The following VSTM4 variants were observed in gnomAD, a reference collection of about 807,000 sequenced individuals.
VSTM4 encodes the protein V-set and transmembrane domain containing 4, also known as V-set and transmembrane domain-containing protein 4.
A neutral mutation model predicts 36.4 loss-of-function variants in VSTM4; 20 were observed. That is an observed-to-expected ratio of 0.55 (90% CI 0.39 to 0.80). VSTM4 has a LOEUF of 0.80. VSTM4 is among the 30% of genes least tolerant of loss of function. The probability of loss-of-function intolerance (pLI) is 0.00; values close to 1 mark genes in which losing one functional copy is unlikely to be tolerated. For synonymous variants in VSTM4, 182 were observed against 173.9 expected, an observed-to-expected ratio of 1.05 and a Z score of -0.37; for missense variants, 392 against 404.5, an observed-to-expected ratio of 0.97 and a Z score of 0.26.
rs569058995 is a variant in VSTM4 at position 49,103,400 on chromosome 10, G to C, written c.457+4194C>G. The C allele has an allele frequency of 5.0e-5, 24 of 479,050 alleles. No homozygotes were observed. The South Asian group carries it at 1.9e-3, about 39-fold the overall frequency. 29.7% of individuals were successfully genotyped at this position (479,050 alleles called of 1,614,324 possible). A position where few individuals can be genotyped will look rare whatever the true frequency, so the allele number is the denominator to read the frequency against. On this transcript the variant is annotated intron_variant, in intron 2 of 7. Transcript: ENST00000332853. ...TTTAATTTGCATAAAATGACAGGAAGGATTTGCACTGAAATGTTAAGTTGA... is the reference window on the plus strand; with the variant it reads ...TTTAATTTGCATAAAATGACAGGAACGATTTGCACTGAAATGTTAAGTTGA...
chr10:49,096,214 T>G (rs1844567487), intron 2 of VSTM4, among the ~76,000 whole-genome samples: 1 of 152,240 alleles, frequency 6.6e-6, no homozygotes, highest in Non-Finnish European at 1.5e-5. Flanking sequence ...ACTTGCAGTA[T>G]CAGTTCCCTG....
intron 4 of VSTM4, among the ~76,000 whole-genome samples, chr10:49,068,049 T>C (rs1844004999): frequency 1.3e-5 from 2 of 152,326 alleles, no homozygotes; most frequent in African/African-American, 4.8e-5. Flanking sequence ...ATTTGTATTA[T>C]TGTATTGTTA....
intron 5 of VSTM4, among the ~76,000 whole-genome samples, chr10:49,056,545 T>C (rs1175000240): frequency 2.0e-5 from 3 of 152,196 alleles, no homozygotes; most frequent in Non-Finnish European, 2.9e-5. Flanking sequence ...ACAAAGGCCA[T>C]GGATGGATGC....
chr10:49,072,825 G>A (rs536677915), intron 4 of VSTM4, among the ~76,000 whole-genome samples: 1 of 152,334 alleles, frequency 6.6e-6, no homozygotes, highest in African/African-American at 2.4e-5. Flanking sequence ...TCAACTTCAG[G>A]TGGCTGAAGA....
chr10:49,065,834 G>A (rs1257483788), intron 4 of VSTM4, among the ~76,000 whole-genome samples: 1 of 152,112 alleles, frequency 6.6e-6, no homozygotes, highest in Non-Finnish European at 1.5e-5. Context: ...AAAGTAAGAT[G>A]AGAGAATCTC....
intron 2 of VSTM4, among the ~76,000 whole-genome samples, chr10:49,104,982 C>T (rs948484212): frequency 6.5e-5 from 8 of 123,920 alleles, no homozygotes; most frequent in African/African-American, 2.5e-4. Context: ...CAGAGGGAGA[C>T]AGAGACACAG....
intron 7 of VSTM4, among the ~76,000 whole-genome samples, chr10:49,031,405 A>G (rs946257210): frequency 1.3e-5 from 2 of 152,236 alleles, no homozygotes; most frequent in East Asian, 3.8e-4. Flanking sequence ...TTGAAAAAAT[A>G]CCTGGTAGGC....
At chr10:49,064,805 C>T in intron 4 of VSTM4, 69 bp from the exon 5 acceptor site, 1 of 1,536,678 alleles carries the variant, frequency 6.5e-7, no homozygotes, top group Non-Finnish European at 8.9e-7. Flanking sequence ...CCAGGAATTA[C>T]AAGGAAATGC....
chr10:49,096,434 A>G (rs1227204052), intron 2 of VSTM4, among the ~76,000 whole-genome samples: 1 of 152,192 alleles, frequency 6.6e-6, no homozygotes, highest in East Asian at 1.9e-4. Context: ...AAAATACACT[A>G]TGTGGGTTTA....
intron 7 of VSTM4, among the ~76,000 whole-genome samples, chr10:49,036,381 G>A (rs1843432120): frequency 6.6e-6 from 1 of 152,148 alleles, no homozygotes; most frequent in Non-Finnish European, 1.5e-5. Context: ...TTTACTTGGG[G>A]CAATATATTG....
chr10:49,108,997 C>T lies in VSTM4; in HGVS notation c.56-1002G>A, dbSNP rs1177265380. Among the ~76,000 whole-genome samples the T allele has an allele frequency of 3.3e-5, 5 of 152,278 alleles. No individual in the cohort carries two copies. The East Asian group carries it at 9.7e-4, about 29-fold the overall frequency. On this transcript the variant is annotated intron_variant, in intron 1 of 7. Transcript: ENST00000332853. Reference sequence around the variant, plus strand: ...GCACAGCCCTCTGGCAGGCAGGGCCCGAGAAAAGATGCTTTGCACAGGATG... The same window carrying T: ...GCACAGCCCTCTGGCAGGCAGGGCCTGAGAAAAGATGCTTTGCACAGGATG...
At chr10:49,072,674 G>A (rs973045688) in intron 4 of VSTM4, among the ~76,000 whole-genome samples, 4 of 152,168 alleles carry the variant, frequency 2.6e-5, no homozygotes, top group Non-Finnish European at 5.9e-5. Context: ...CATGTCCTTG[G>A]AGCCTGGAGC....
chr10:49,106,240 T>C (rs1481885064), intron 2 of VSTM4, among the ~76,000 whole-genome samples: 6 of 152,212 alleles, frequency 3.9e-5, no homozygotes, highest in African/African-American at 1.4e-4. Context: ...CAAAACAACA[T>C]CACTAAGGAC....
intron 2 of VSTM4, among the ~76,000 whole-genome samples, chr10:49,088,013 G>A (rs968057441): frequency 6.8e-6 from 1 of 146,544 alleles, no homozygotes; most frequent in African/African-American, 2.5e-5. Context: ...TGTAATATAT[G>A]TATATATACA....
chr10:49,102,692 C>A, intron 2 of VSTM4: 1 of 985,334 alleles, frequency 1.0e-6, no homozygotes. Flanking sequence ...GAGAGGGTGA[C>A]TACATCCACC....
chr10:49,070,023 C>A (rs1215207605), intron 4 of VSTM4, among the ~76,000 whole-genome samples: 1 of 61,960 alleles, frequency 1.6e-5, no homozygotes, highest in Non-Finnish European at 3.0e-5. Flanking sequence ...GAGGCCGAGG[C>A]GGGCGGATCA....
chr10:49,108,843 C>T (rs984926600), intron 1 of VSTM4, among the ~76,000 whole-genome samples: 3 of 152,102 alleles, frequency 2.0e-5, no homozygotes, highest in Admixed American at 1.3e-4. Context: ...ATGGAGCCAC[C>T]CCAGCGCCCA....
rs946349344 is a variant in VSTM4, at chr10:49,019,574, T to A, written c.*76A>T. The A allele has an allele frequency of 4.0e-6, 6 of 1,511,244 alleles. No individual in the cohort carries two copies. Among genetic ancestry groups the A allele is most frequent in the Non-Finnish European group, 4.4e-6 (5 of 1,127,518 alleles). 93.6% of individuals were successfully genotyped at this position (1,511,244 alleles called of 1,614,324 possible). ...GAAGGCATGAGTGAAAATACAGACATAAGGGCTTTGTCTCCAAGGCTTCAT... is the reference window on the plus strand; with the variant it reads ...GAAGGCATGAGTGAAAATACAGACAAAAGGGCTTTGTCTCCAAGGCTTCAT... On this transcript the variant is annotated 3_prime_UTR_variant, in exon 8 of 8. Transcript: ENST00000332853.
In VSTM4 at chr10:49,077,243, C is replaced by T. The variant is rs1844195325; in HGVS notation, c.610G>A (p.Val204Met). 6.2e-7 allele frequency: 1 copy of T among 1,614,028 alleles called. No individual in the cohort carries two copies. Among genetic ancestry groups the T allele is most frequent in the South Asian group, 1.1e-5 (1 of 91,086 alleles). The change falls in exon 4 of 8, where the codon GTG becomes ATG. Residue 204 changes from valine (V) to methionine (M), a missense_variant. Val to Met is a conservative substitution (Grantham distance 21). Transcript: ENST00000332853. ...CCTCTGGATTTCCGCTTGTTAAACA[C>T]AGACTGCCAGACGATGACCAGCATG... ...LFMLVIVWQS[V>M]FNKRKSRVRH... is the part of the protein sequence containing the mutation.
Sources: allele counts gnomAD v4.1 joint callset (sites outside exome capture counted in the v4.1 genomes callset), GRCh38; gene constraint gnomAD v4.1.1; transcripts MANE v1.5; gene names NCBI Gene and HGNC (gene_info 2026-07-23, HGNC 2026-07-21).